The following KIF1B variants were observed in gnomAD, a reference collection of about 807,000 sequenced individuals.
KIF1B encodes kinesin family member 1B, also known as kinesin-like protein KIF1B.
A neutral mutation model predicts 241.9 loss-of-function variants in KIF1B; 76 were observed. That is an observed-to-expected ratio of 0.31 (90% CI 0.26 to 0.38). KIF1B has a LOEUF of 0.38. Among genes scored for constraint, KIF1B ranks in the 10% least tolerant of loss-of-function variants. KIF1B has a pLI of 1.00. For missense variants in KIF1B, 1,622 were observed against 2,271.4 expected (o/e 0.71, Z 5.81); for synonymous variants, 750 against 796.7 (o/e 0.94, Z 0.99).
intron 11 of KIF1B, 128 bp from the exon 12 acceptor site, chr1:10,276,193 A>AG: frequency 1.3e-6 from 1 of 758,548 alleles, no homozygotes; most frequent in Non-Finnish European, 2.2e-6. Context: ...CAAAAAAAAA[A>AG]TAAAAGAAAG....
intron 1 of KIF1B, among the ~76,000 whole-genome samples, chr1:10,214,321 G>T (rs550392595): frequency 6.7e-6 from 1 of 149,590 alleles, no homozygotes; most frequent in African/African-American, 2.5e-5. Context: ...ACAGAGTCTC[G>T]CCCTGTCACC....
At chr1:10,272,144 A>C in intron 8 of KIF1B, 97 bp from the exon 9 acceptor site, 1 of 846,804 alleles carries the variant, frequency 1.2e-6, no homozygotes, top group Non-Finnish European at 2.0e-6. Flanking sequence ...GTAATAAAGA[A>C]ATATGCTAGC....
intron 22 of KIF1B, 88 bp from the exon 23 acceptor site, chr1:10,319,955 T>G: frequency 1.2e-6 from 1 of 825,642 alleles, no homozygotes; most frequent in Non-Finnish European, 2.0e-6. Context: ...TTGCTTTCTC[T>G]ACTTCCCCCA....
intron 2 of KIF1B, among the ~76,000 whole-genome samples, chr1:10,250,631 C>T (rs540825237): frequency 3.3e-5 from 5 of 152,106 alleles, no homozygotes; most frequent in Non-Finnish European, 7.4e-5. Flanking sequence ...CTCAGTCCAG[C>T]CTAGGCAACA....
chr1:10,243,103 A>C (rs1237340707), intron 2 of KIF1B, among the ~76,000 whole-genome samples: 2 of 152,122 alleles, frequency 1.3e-5, no homozygotes, highest in African/African-American at 4.8e-5. Flanking sequence ...AAACTTGAGG[A>C]GGCAAAATGG....
Position 10,295,762 on chromosome 1 carries a change from GGAA to G in KIF1B, c.1775_1777del (p.Glu592del). 1 of 1,612,732 alleles carries G rather than the reference GGAA, an allele frequency of 6.2e-7. No homozygotes were observed. The highest frequency in any genetic ancestry group is 8.5e-7 in the Non-Finnish European group (1 of 1,179,026). The stretch of plus-strand genomic sequence containing the variant: ...TCCGGAGTGAGAGAAGCAACAGCGG[GGAA>G]GGTGAGCATTCCTGGCTGGAGCTTC... On this transcript the variant is annotated inframe_deletion and splice_region_variant, in exon 19 of 49. Transcript: ENST00000676179.
intron 43 of KIF1B, among the ~76,000 whole-genome samples, chr1:10,367,660 G>A (rs907316604): frequency 6.6e-6 from 1 of 151,362 alleles, no homozygotes; most frequent in Non-Finnish European, 1.5e-5. Flanking sequence ...TTAGCCTCCT[G>A]AGTAGCTGGG....
At position 10,268,248 on chromosome 1, in the gene KIF1B, C is replaced by T; in HGVS notation, c.705C>T (p.Asn235=). 1.2e-6 allele frequency: 2 copies of T among 1,607,004 alleles called. No homozygotes were observed. Among genetic ancestry groups the T allele is most frequent in the Non-Finnish European group, 1.7e-6 (2 of 1,173,492 alleles). ...AGAAGAAACACGATAATGAGACCAA[C>T]CTTTCCACTGAGAAGGTAGGAGAGT... is the stretch of plus-strand genomic sequence containing the variant. ...FTQKKHDNET[N]LSTEKVSKIS... The change falls in exon 7 of 49, where the codon AAC becomes AAT. Residue 235 remains asparagine (N), a synonymous_variant. Coordinates refer to ENST00000676179, the MANE Select transcript of KIF1B (RefSeq NM_001365951.3).
At chr1:10,275,963 T>C (rs2102221551) in intron 11 of KIF1B, among the ~76,000 whole-genome samples, 1 of 150,932 alleles carries the variant, frequency 6.6e-6, no homozygotes, top group Middle Eastern at 3.5e-3. Context: ...TGGAGTGCGG[T>C]GGTGCAATCT....
chr1:10,356,453 A>G (rs1020950740), intron 38 of KIF1B, among the ~76,000 whole-genome samples: 3 of 152,204 alleles, frequency 2.0e-5, no homozygotes, highest in Admixed American at 6.5e-5. Flanking sequence ...CATTCAGTTT[A>G]CATTTCAGAG....
chr1:10,249,921 G>T (rs1376676312), intron 2 of KIF1B, among the ~76,000 whole-genome samples: 1 of 152,098 alleles, frequency 6.6e-6, no homozygotes. Flanking sequence ...AAAAGAAACA[G>T]AATTCTTACA....
intron 22 of KIF1B, among the ~76,000 whole-genome samples, chr1:10,298,635 A>G (rs1650384284): frequency 6.6e-6 from 1 of 152,196 alleles, no homozygotes; most frequent in South Asian, 2.1e-4. Flanking sequence ...TTTTATCTTA[A>G]TAATGTAGTA....
At chr1:10,352,874 CTT>C (rs1302051300) in intron 38 of KIF1B, 138 bp downstream of exon 38, 3 of 676,612 alleles carry the variant, frequency 4.4e-6, no homozygotes, top group Non-Finnish European at 8.1e-6. Context: ...TCAAAAATCT[CTT>C]TATTTCTTCA....
At chr1:10,240,531 G>T (rs1268172304) in intron 2 of KIF1B, among the ~76,000 whole-genome samples, 1 of 152,066 alleles carries the variant, frequency 6.6e-6, no homozygotes, top group Non-Finnish European at 1.5e-5. Flanking sequence ...ATTCCATAGT[G>T]ATCTAGAAGT....
chr1:10,315,239 G>T (rs1651252435), intron 22 of KIF1B, among the ~76,000 whole-genome samples: 2 of 136,500 alleles, frequency 1.5e-5, no homozygotes, highest in South Asian at 4.5e-4. Context: ...GAGCAATGGT[G>T]CAATCTCAGC....
intron 6 of KIF1B, among the ~76,000 whole-genome samples, 189 bp downstream of exon 6, chr1:10,267,747 A>G (rs1188096225): frequency 6.6e-6 from 1 of 152,216 alleles, no homozygotes; most frequent in Non-Finnish European, 1.5e-5. Flanking sequence ...TAAACAGTAC[A>G]TTGCTGAAAC....
chr1:10,276,523 A>G lies in KIF1B; in HGVS notation c.1037+124A>G, dbSNP rs952605023. The G allele has an allele frequency of 3.4e-5, 25 of 725,496 alleles. No individual in the cohort carries two copies. The African/African-American group carries it at 4.0e-4, about 12-fold the overall frequency. The allele number at this position is 725,496 out of a possible 1,614,324, so 44.9% of individuals were successfully genotyped here. A position where few individuals can be genotyped will look rare whatever the true frequency, so the allele number is the denominator to read the frequency against. ...ATGTAAATAATGTTCCTTTCCTCTC[A>G]TAACAGGGAAAACTTAGGGAAAAAG... On this transcript the variant is annotated intron_variant, in intron 12 of 48. Transcript: ENST00000676179.
chr1:10,379,124 T>G lies in KIF1B; in HGVS notation c.*2537T>G, dbSNP rs894087995. On this transcript the variant is annotated 3_prime_UTR_variant, in exon 49 of 49. Transcript: ENST00000676179. ...TTTGAAGGTCACTTTTAAAATTAAG[T>G]CATTGATGCTGCTGTTACAGAGTGT... is the stretch of plus-strand genomic sequence containing the variant. 2 of 232,118 alleles carry G rather than the reference T, an allele frequency of 8.6e-6. No homozygotes were observed. The highest frequency in any genetic ancestry group is 1.7e-5 in the Non-Finnish European group (2 of 117,084). 14.4% of individuals were successfully genotyped at this position (232,118 alleles called of 1,614,324 possible).
In KIF1B at chr1:10,266,970, T is replaced by A. The variant is rs537845738; in HGVS notation, c.430-410T>A. Among the ~76,000 whole-genome samples the A allele has an allele frequency of 5.8e-4, 81 of 140,376 alleles. No individual in the cohort carries two copies. The East Asian group carries it at 7.8e-3, about 13-fold the overall frequency. The allele number at this position is 140,376 out of a possible 152,430, so 92.1% of individuals were successfully genotyped here. A position where few individuals can be genotyped will look rare whatever the true frequency, so the allele number is the denominator to read the frequency against. On this transcript the variant is annotated intron_variant, in intron 5 of 48. Transcript: ENST00000676179. The stretch of plus-strand genomic sequence containing the variant: ...GAGCTTTTAATAAAAGTTAAAAAAA[T>A]TTTTTTTCTGTATGTGATTTCTTTT...
Sources: allele counts gnomAD v4.1 joint callset (sites outside exome capture counted in the v4.1 genomes callset), GRCh38; gene constraint gnomAD v4.1.1; transcripts MANE v1.5; gene names NCBI Gene and HGNC (gene_info 2026-07-23, HGNC 2026-07-21).